SLIT2: variants seen among roughly 807,000 people sequenced by gnomAD.
SLIT2 encodes slit homolog 2 protein.
A neutral mutation model predicts 185.7 loss-of-function variants in SLIT2; 41 were observed. The observed-to-expected ratio is 0.22, with a 90% CI of 0.17 to 0.29. The LOEUF (loss-of-function observed/expected upper bound fraction) is 0.29, where lower values mean the gene tolerates loss of function less well. Among genes scored for constraint, SLIT2 ranks in the 10% least tolerant of loss-of-function variants. The probability of loss-of-function intolerance (pLI) is 1.00; values close to 1 mark genes in which losing one functional copy is unlikely to be tolerated. For missense variants in SLIT2, 1,571 were observed against 1,909.0 expected (o/e 0.82, Z 3.30); for synonymous variants, 693 against 680.2 (o/e 1.02, Z -0.29).
At chr4:20,296,975 G>A (rs1178146461) in intron 4 of SLIT2, among the ~76,000 whole-genome samples, 2 of 152,188 alleles carry the variant, frequency 1.3e-5, no homozygotes, top group East Asian at 1.9e-4. Context: ...TATGTTATGC[G>A]CAATCGGAAG....
At position 20,451,207 on chromosome 4, in the gene SLIT2, A is replaced by G. The variant is rs116400632; in HGVS notation, c.396-16545A>G. 2.9e-3 allele frequency among the ~76,000 whole-genome samples: 447 copies of G among 152,272 alleles called. 2 individuals carry two copies. The highest frequency in any genetic ancestry group is 0.01 in the African/African-American group (434 of 41,562). On this transcript the variant is annotated intron_variant, in intron 4 of 36. Transcript: ENST00000504154. The stretch of plus-strand genomic sequence containing the variant: ...GTTACACCTTCCTGAAGTTCATTCC[A>G]CTGTCAGTAGCTGTCACTCAGTCAC...
chr4:20,561,834 A>G (rs946140369), intron 26 of SLIT2, among the ~76,000 whole-genome samples: 1 of 151,798 alleles, frequency 6.6e-6, no homozygotes, highest in Non-Finnish European at 1.5e-5. Flanking sequence ...TATACTTTTT[A>G]AAACTTAAAA....
Position 20,472,539 on chromosome 4 carries a change from T to G in SLIT2, c.467+4716T>G, listed in dbSNP as rs1262976810. On this transcript the variant is annotated intron_variant, in intron 5 of 36. Coordinates refer to ENST00000504154, the MANE Select transcript of SLIT2 (RefSeq NM_004787.4). ...AGATATATATCTATATATAGATATA[T>G]CTATATCTATATATAGATATATATC... Among the ~76,000 whole-genome samples, 108 of 18,006 alleles carry G rather than the reference T, an allele frequency of 6.0e-3. 25 individuals carry two copies. Among genetic ancestry groups the G allele is most frequent in the Admixed American group, 8.4e-3 (7 of 830 alleles). 11.8% of individuals were successfully genotyped at this position (18,006 alleles called of 152,430 possible).
intron 11 of SLIT2, among the ~76,000 whole-genome samples, chr4:20,513,037 A>G (rs1407254982): frequency 6.6e-6 from 1 of 152,250 alleles, no homozygotes; most frequent in Non-Finnish European, 1.5e-5. Flanking sequence ...AATCTAATAA[A>G]CAATAAAATA....
chr4:20,532,232 G>T (rs887140233), intron 17 of SLIT2, among the ~76,000 whole-genome samples, 174 bp downstream of exon 17: 19 of 152,268 alleles, frequency 1.2e-4, no homozygotes, highest in African/African-American at 4.6e-4. Flanking sequence ...TGTGTGTTCA[G>T]CAGTGTCAAT....
chr4:20,472,380 A>ATAGATATATATC (rs1553908476), intron 5 of SLIT2, among the ~76,000 whole-genome samples: 1 of 37,464 alleles, frequency 2.7e-5, no homozygotes, highest in African/African-American at 1.2e-4. Context: ...CTATATCTAT[A>ATAGATATATATC]TATATGTAGA....
chr4:20,422,852 G>A (rs1007784495), intron 4 of SLIT2, among the ~76,000 whole-genome samples: 1 of 151,760 alleles, frequency 6.6e-6, no homozygotes, highest in African/African-American at 2.4e-5. Flanking sequence ...GAGTGAAGTG[G>A]ATGTGCAGAA....
chr4:20,281,076 G>T (rs535998947), intron 4 of SLIT2, among the ~76,000 whole-genome samples: 1 of 151,936 alleles, frequency 6.6e-6, no homozygotes, highest in Non-Finnish European at 1.5e-5. Context: ...CAGGTGATCC[G>T]CCCGCCTCGG....
intron 4 of SLIT2, among the ~76,000 whole-genome samples, chr4:20,412,126 A>G (rs1949139): frequency 0.076 from 11,625 of 152,106 alleles, 597 homozygotes; most frequent in South Asian, 0.17. Flanking sequence ...GCAGGGATGC[A>G]CACACACTTA....
In SLIT2 at chr4:20,252,291, A is replaced by G. The variant is rs1030188486; in HGVS notation, c.-1525A>G. Among the ~76,000 whole-genome samples the G allele has an allele frequency of 6.6e-5, 10 of 152,240 alleles. No individual in the cohort carries two copies. Among genetic ancestry groups the G allele is most frequent in the African/African-American group, 2.4e-4 (10 of 41,552 alleles). ...CCGTCCTATTGTTTAGACACTTGCC[A>G]GGGGCTCCGGAGTCGGCAGAGCCAC... is the stretch of plus-strand genomic sequence containing the variant. On this transcript the variant is annotated 5_prime_UTR_variant, in exon 1 of 37. Transcript: ENST00000504154.
intron 4 of SLIT2, among the ~76,000 whole-genome samples, chr4:20,407,906 A>G (rs570012953): frequency 6.6e-6 from 1 of 152,312 alleles, no homozygotes; most frequent in African/African-American, 2.4e-5. Flanking sequence ...CTATTCTGTG[A>G]TCAAAAGCAA....
chr4:20,580,066 T>C (rs200494080), intron 29 of SLIT2, among the ~76,000 whole-genome samples: 4 of 32,342 alleles, frequency 1.2e-4, no homozygotes, highest in Non-Finnish European at 4.6e-5. Context: ...ATGTATATAT[T>C]ATATATATAT....
rs751884279 is a variant in SLIT2, at chr4:20,513,649, T to G, written c.1058+2512T>G. On this transcript the variant is annotated intron_variant, in intron 11 of 36. Transcript: ENST00000504154. Reference sequence around the variant, plus strand: ...GGCAAATGTATAGTATACATAAAATTTACCTATATTTATAGTATTACATCT... The same window carrying G: ...GGCAAATGTATAGTATACATAAAATGTACCTATATTTATAGTATTACATCT... Among the ~76,000 whole-genome samples the G allele has an allele frequency of 5.9e-5, 9 of 152,142 alleles. No individual in the cohort carries two copies. The South Asian group carries it at 1.5e-3, about 25-fold the overall frequency.
intron 4 of SLIT2, among the ~76,000 whole-genome samples, chr4:20,420,964 A>T (rs145009401): frequency 2.0e-5 from 3 of 152,150 alleles, no homozygotes; most frequent in Non-Finnish European, 4.4e-5. Flanking sequence ...CTCCAGAACT[A>T]TGAGAGAATA....
intron 26 of SLIT2, among the ~76,000 whole-genome samples, chr4:20,559,073 G>T (rs1724489440): frequency 6.6e-6 from 1 of 151,908 alleles, no homozygotes; most frequent in Admixed American, 6.6e-5. Context: ...TGAGGATAAT[G>T]CTACAGGTGG....
chr4:20,391,698 T>G (rs1239122917), intron 4 of SLIT2, among the ~76,000 whole-genome samples: 1 of 152,124 alleles, frequency 6.6e-6, no homozygotes, highest in Non-Finnish European at 1.5e-5. Context: ...GTTATCTTTC[T>G]GAGTTGTAGG....
chr4:20,337,456 A>G (rs1296049917), intron 4 of SLIT2, among the ~76,000 whole-genome samples: 1 of 152,074 alleles, frequency 6.6e-6, no homozygotes, highest in African/African-American at 2.4e-5. Flanking sequence ...AGTCCTTACC[A>G]CATAAAGACC....
chr4:20,369,295 G>A (rs1353417350), intron 4 of SLIT2, among the ~76,000 whole-genome samples: 1 of 151,962 alleles, frequency 6.6e-6, no homozygotes, highest in Admixed American at 6.6e-5. Flanking sequence ...GGCCATTACA[G>A]GGTTGTAATG....
chr4:20,579,313 A>C (rs1726338358), intron 29 of SLIT2, among the ~76,000 whole-genome samples: 2 of 151,970 alleles, frequency 1.3e-5, no homozygotes, highest in Admixed American at 1.3e-4. Flanking sequence ...AAAAAAAAAA[A>C]AATAGCCCAG....
Sources: allele counts gnomAD v4.1 joint callset (sites outside exome capture counted in the v4.1 genomes callset), GRCh38; gene constraint gnomAD v4.1.1; transcripts MANE v1.5; gene names NCBI Gene and HGNC (gene_info 2026-07-23, HGNC 2026-07-21).